The following FILIP1L variants were observed in gnomAD, a reference collection of about 807,000 sequenced individuals.
FILIP1L encodes the protein filamin A interacting protein 1 like, also known as filamin A-interacting protein 1-like.
A neutral mutation model predicts 96.6 loss-of-function variants in FILIP1L; 55 were observed. The ratio of observed to expected loss-of-function variants is 0.57; its 90% confidence interval spans 0.46 to 0.71. FILIP1L has a LOEUF of 0.71. Among genes scored for constraint, FILIP1L ranks in the 30% least tolerant of loss-of-function variants. The pLI, the probability that FILIP1L is intolerant of heterozygous loss-of-function variation, is 0.00. For missense variants in FILIP1L, 1,304 were observed against 1,321.2 expected, an observed-to-expected ratio of 0.99 and a Z score of 0.20; for synonymous variants, 467 against 473.9, an observed-to-expected ratio of 0.99 and a Z score of 0.19.
At chr3:100,054,020 A>G (rs1426762042) in intron 1 of FILIP1L, among the ~76,000 whole-genome samples, 1 of 152,212 alleles carries the variant, frequency 6.6e-6, no homozygotes, top group Non-Finnish European at 1.5e-5. Flanking sequence ...AAAGTATGTA[A>G]TATTCTCCCC....
At chr3:99,943,374 G>A (rs1286823502) in intron 1 of FILIP1L, among the ~76,000 whole-genome samples, 3 of 151,992 alleles carry the variant, frequency 2.0e-5, no homozygotes, top group Admixed American at 6.6e-5. Flanking sequence ...TAATAACTCC[G>A]GGCTTTTATT....
intron 1 of FILIP1L, among the ~76,000 whole-genome samples, chr3:99,943,256 G>A (rs1180472307): frequency 1.3e-5 from 2 of 152,172 alleles, no homozygotes; most frequent in Admixed American, 1.3e-4. Context: ...GCTTTTGTGT[G>A]TGGCCTTCAA....
At chr3:99,912,401 G>A (rs746446035) in intron 4 of FILIP1L, among the ~76,000 whole-genome samples, 2 of 152,130 alleles carry the variant, frequency 1.3e-5, no homozygotes, top group Non-Finnish European at 2.9e-5. Flanking sequence ...TTTTGAGACA[G>A]GGTCTTGCTT....
At chr3:99,844,344 C>T (rs769581246) in intron 5 of FILIP1L, among the ~76,000 whole-genome samples, 11 of 152,126 alleles carry the variant, frequency 7.2e-5, no homozygotes, top group East Asian at 1.9e-4. Flanking sequence ...CTCTGAGATA[C>T]GCTGATCTAT....
chr3:99,878,756 A>G (rs1376207696), intron 4 of FILIP1L, among the ~76,000 whole-genome samples: 1 of 152,206 alleles, frequency 6.6e-6, no homozygotes. Context: ...GTTTTGAGGG[A>G]GCAGGACCTT....
chr3:100,022,992 C>T (rs2064853075), intron 1 of FILIP1L, among the ~76,000 whole-genome samples: 1 of 152,168 alleles, frequency 6.6e-6, no homozygotes, highest in African/African-American at 2.4e-5. Context: ...TTTCTACTGA[C>T]ATTTTTGCCT....
intron 1 of FILIP1L, among the ~76,000 whole-genome samples, chr3:99,960,037 A>G (rs970701596): frequency 6.6e-6 from 1 of 152,058 alleles, no homozygotes; most frequent in Non-Finnish European, 1.5e-5. Context: ...TCCTTCATTT[A>G]TAAATTGTCT....
intron 1 of FILIP1L, among the ~76,000 whole-genome samples, chr3:99,953,340 TAAGG>T (rs1471229002): frequency 6.6e-6 from 1 of 152,178 alleles, no homozygotes; most frequent in Non-Finnish European, 1.5e-5. Flanking sequence ...AATGAAATTC[TAAGG>T]AAGTAGAATT....
intron 4 of FILIP1L, among the ~76,000 whole-genome samples, chr3:99,882,073 A>C (rs6808420): frequency 1.3e-5 from 2 of 152,202 alleles, no homozygotes. Context: ...TATCTTTGGA[A>C]CTCAAATAGA....
chr3:99,833,135 G>A, intron 5 of FILIP1L: 1 of 1,015,756 alleles, frequency 9.8e-7, no homozygotes, highest in Non-Finnish European at 1.5e-6. Flanking sequence ...AAGTTGGAAA[G>A]CTCATTCATA....
At chr3:99,901,060 A>G (rs1706419465) in intron 4 of FILIP1L, among the ~76,000 whole-genome samples, 1 of 152,208 alleles carries the variant, frequency 6.6e-6, no homozygotes, top group African/African-American at 2.4e-5. Context: ...ACTGGATAAC[A>G]TTTGGTGTGG....
chr3:99,925,651 C>T (rs972950361), intron 3 of FILIP1L, among the ~76,000 whole-genome samples: 5 of 152,168 alleles, frequency 3.3e-5, no homozygotes, highest in African/African-American at 9.7e-5. Context: ...GGGGCTTATA[C>T]GTGGATGCTA....
chr3:99,973,232 ATT>A (rs550716881), intron 1 of FILIP1L, among the ~76,000 whole-genome samples: 1 of 152,062 alleles, frequency 6.6e-6, no homozygotes, highest in Non-Finnish European at 1.5e-5. Context: ...ATGAATAAAA[ATT>A]TTTTTTCTCT....
At chr3:99,865,782 ATG>A (rs1944482836) in intron 4 of FILIP1L, among the ~76,000 whole-genome samples, 1 of 151,774 alleles carries the variant, frequency 6.6e-6, no homozygotes, top group Non-Finnish European at 1.5e-5. Flanking sequence ...CCTTAGAAAT[ATG>A]TGTGTATGTA....
rs1187624026 is a variant in FILIP1L at position 99,850,094 on chromosome 3, C to T, written c.1582G>A (p.Glu528Lys). 2.5e-6 allele frequency: 4 copies of T among 1,613,048 alleles called. No individual in the cohort carries two copies. The highest frequency in any genetic ancestry group is 3.4e-6 in the Non-Finnish European group (4 of 1,179,830). ...LQAASSQLQV[E>K]QNKVTTVTEK... ...GTAACTGTTGTTACTTTATTTTGCTCCACTTGAAGCTGAGAAGAAGCAGCT... is the reference window on the plus strand; with the variant it reads ...GTAACTGTTGTTACTTTATTTTGCTTCACTTGAAGCTGAGAAGAAGCAGCT... Residue 528 changes from glutamate to lysine, a missense_variant, in exon 5 of 6, where the codon GAG becomes AAG. Physicochemically the swap from Glu to Lys is moderately conservative, Grantham distance 56. Coordinates refer to ENST00000477258, the MANE Select transcript of FILIP1L (RefSeq NM_001387850.1).
chr3:99,994,358 A>T (rs926809159), intron 1 of FILIP1L, among the ~76,000 whole-genome samples: 1 of 152,214 alleles, frequency 6.6e-6, no homozygotes, highest in Admixed American at 6.5e-5. Context: ...GAAATATTGG[A>T]CTTAAATTGG....
chr3:99,910,873 A>G (rs1706765908), intron 4 of FILIP1L, among the ~76,000 whole-genome samples: 2 of 152,212 alleles, frequency 1.3e-5, no homozygotes, highest in African/African-American at 4.8e-5. Context: ...AACTCAAACA[A>G]TGGCCAAAGG....
intron 1 of FILIP1L, among the ~76,000 whole-genome samples, chr3:100,066,505 A>G (rs982491527): frequency 7.2e-6 from 1 of 139,432 alleles, no homozygotes; most frequent in Non-Finnish European, 1.5e-5. Context: ...GATGATGTGG[A>G]AGGCTTTGCT....
At chr3:99,959,933 A>G (rs1424527307) in intron 1 of FILIP1L, among the ~76,000 whole-genome samples, 2 of 152,198 alleles carry the variant, frequency 1.3e-5, no homozygotes, top group African/African-American at 4.8e-5. Context: ...GATGCATTCA[A>G]TGCATTCAGA....
Sources: gnomAD v4.1 joint callset for allele counts (sites outside exome capture counted in the v4.1 genomes callset) on GRCh38, gnomAD v4.1.1 for gene constraint, MANE v1.5 for transcripts, NCBI Gene and HGNC (gene_info 2026-07-23, HGNC 2026-07-21) for gene names.